The following MAT2B variants were observed in gnomAD, a reference collection of about 807,000 sequenced individuals.
MAT2B encodes the protein methionine adenosyltransferase 2 subunit beta.
In MAT2B, 16 loss-of-function variants were observed where a neutral mutation model predicts 36.1. That is an observed-to-expected ratio of 0.44 (90% CI 0.30 to 0.67). The LOEUF is 0.67. MAT2B is among the 30% of genes least tolerant of loss of function. The pLI, the probability that MAT2B is intolerant of heterozygous loss-of-function variation, is 0.09. For synonymous variants in MAT2B, 148 were observed against 136.9 expected, an observed-to-expected ratio of 1.08 and a Z score of -0.57; for missense variants, 332 against 398.2, an observed-to-expected ratio of 0.83 and a Z score of 1.42.
intron 1 of MAT2B, among the ~76,000 whole-genome samples, chr5:163,509,577 GA>G (rs1476873689): frequency 2.0e-5 from 3 of 152,150 alleles, no homozygotes; most frequent in Non-Finnish European, 2.9e-5. Flanking sequence ...CTGACCTTAG[GA>G]ACTGTTACCT....
intron 1 of MAT2B, among the ~76,000 whole-genome samples, chr5:163,511,267 T>TA (rs11394898): frequency 0.47 from 37,585 of 80,744 alleles, 6,288 homozygotes; most frequent in African/African-American, 0.6. Context: ...CTTTTTTAAT[T>TA]AAAAAAATTT....
chr5:163,515,794 T>TTTTTTTTTA, intron 4 of MAT2B, among the ~76,000 whole-genome samples: 1 of 137,150 alleles, frequency 7.3e-6, no homozygotes, highest in Non-Finnish European at 1.6e-5. Flanking sequence ...TTTTTTTTTT[T>TTTTTTTTTA]TTGAGACAGG....
chr5:163,517,536 G>T, intron 5 of MAT2B, 25 bp from the exon 6 acceptor site: 1 of 1,396,074 alleles, frequency 7.2e-7, no homozygotes, highest in African/African-American at 1.4e-5. Context: ...TGAAACTATT[G>T]AATTTATTGT....
upstream of MAT2B, chr5:163,503,487 A>G (rs1759880780): frequency 6.9e-7 from 1 of 1,443,894 alleles, no homozygotes; most frequent in Non-Finnish European, 9.7e-7. Context: ...AAAGCATTCC[A>G]GTGAACGCCT....
In MAT2B at chr5:163,514,042, A is replaced by G. The variant is rs775198962; in HGVS notation, c.526+48A>G. ...CCTGATTGTTTTTGAAGACTTTAAAAATCATTTATACATACACATATATAT... is the reference window on the plus strand; with the variant it reads ...CCTGATTGTTTTTGAAGACTTTAAAGATCATTTATACATACACATATATAT... On this transcript the variant is annotated intron_variant, in intron 4 of 6. Coordinates refer to ENST00000321757, the MANE Select transcript of MAT2B (RefSeq NM_013283.5). The G allele has an allele frequency of 6.0e-6, 9 of 1,498,924 alleles. No homozygotes were observed. In the South Asian group the frequency reaches 1.2e-4, roughly 19 times the overall value. The allele number at this position is 1,498,924 out of a possible 1,614,324, so 92.9% of individuals were successfully genotyped here.
upstream of MAT2B, among the ~76,000 whole-genome samples, chr5:163,504,273 G>GTCC (rs993209595): frequency 6.6e-6 from 1 of 151,478 alleles, no homozygotes; most frequent in African/African-American, 2.4e-5. Context: ...CGCTGGGGCA[G>GTCC]TCCTCAAGGA....
In MAT2B at chr5:163,512,107, G is replaced by A; in HGVS notation, c.169G>A (p.Gly57Ser). ...TCAGCAGAATAATTGGCATGCAGTT[G>A]GCTGTGGTTTCAGAAGAGCAAGACC... ...EFQQNNWHAV[G>S]CGFRRARPKF... The change falls in exon 2 of 7, where the codon GGC becomes AGC. Residue 57 changes from glycine to serine, a missense_variant. Transcript: ENST00000321757. The A allele has an allele frequency of 6.2e-7, 1 of 1,614,140 alleles. No individual in the cohort carries two copies. The highest frequency in any genetic ancestry group is 8.5e-7 in the Non-Finnish European group (1 of 1,179,994).
At chr5:163,513,736 T>G in intron 3 of MAT2B, 67 bp downstream of exon 3, 1 of 1,514,604 alleles carries the variant, frequency 6.6e-7, no homozygotes. Context: ...AAATTAAGGT[T>G]TTGTAGATGG....
In MAT2B at chr5:163,519,051, CTAAG is replaced by C. The variant is rs1561659243; in HGVS notation, c.*690_*693del. 1 of 152,184 alleles carries C rather than the reference CTAAG, an allele frequency of 6.6e-6. No individual in the cohort carries two copies. Among genetic ancestry groups the C allele is most frequent in the Admixed American group, 6.6e-5 (1 of 15,258 alleles). 9.4% of individuals were successfully genotyped at this position (152,184 alleles called of 1,614,324 possible). ...CTGTCCTTTTCATCCCATGTTGCCG[CTAAG>C]TGATATTTCATATGTGTGGTTATAC... On this transcript the variant is annotated 3_prime_UTR_variant, in exon 7 of 7. Transcript: ENST00000321757.
At position 163,516,696 on chromosome 5, in the gene MAT2B, A is replaced by G. The variant is rs1435297733; in HGVS notation, c.705A>G (p.Ala235=). 5 of 1,614,194 alleles carry G rather than the reference A, an allele frequency of 3.1e-6. No individual in the cohort carries two copies. Among genetic ancestry groups the G allele is most frequent in the African/African-American group, 1.3e-5 (1 of 75,026 alleles). ...TGGCCACTGTGTGCCGGCAGCTAGC[A>G]GAGAAGAGAATGCTGGTAAGAAGGA... is the stretch of plus-strand genomic sequence containing the variant. ...KDVATVCRQL[A]EKRMLDPSIK... The change falls in exon 5 of 7, where the codon GCA becomes GCG. Residue 235 remains alanine (A), a synonymous_variant. Coordinates refer to ENST00000321757, the MANE Select transcript of MAT2B (RefSeq NM_013283.5).
chr5:163,506,406 T>G (rs1759938654), intron 1 of MAT2B, among the ~76,000 whole-genome samples: 1 of 152,242 alleles, frequency 6.6e-6, no homozygotes, highest in East Asian at 1.9e-4. Flanking sequence ...GAAGGAAGAT[T>G]ATGGTGATGA....
At position 163,512,173 on chromosome 5, in the gene MAT2B, C is replaced by G; in HGVS notation, c.235C>G (p.His79Asp). ...QVNLLDSNAV[H>D]HIIHDFQPHV... ...TAATCTGTTGGATTCTAATGCAGTT[C>G]ATCACATCATTCATGATTTTCAGGT... The change falls in exon 2 of 7, where the codon CAT (histidine) becomes GAT (aspartate). Residue 79 changes from histidine to aspartate, a missense_variant. His to Asp is a moderately conservative substitution (Grantham distance 81). Transcript: ENST00000321757. 5.6e-6 allele frequency: 9 copies of G among 1,613,876 alleles called. No individual in the cohort carries two copies. The highest frequency in any genetic ancestry group is 1.1e-5 in the South Asian group (1 of 91,068).
intron 1 of MAT2B, 74 bp from the exon 2 acceptor site, chr5:163,511,928 A>G: frequency 3.7e-6 from 4 of 1,092,264 alleles, no homozygotes; most frequent in Non-Finnish European, 5.3e-6. Context: ...TTAGGGAACA[A>G]CGATGGTGCC....
chr5:163,512,973 G>A (rs1405268002), intron 2 of MAT2B: 12 of 216,554 alleles, frequency 5.5e-5, no homozygotes, highest in African/African-American at 1.7e-4. Context: ...GAGCCACCGC[G>A]CCCAGCCTAG....
chr5:163,509,159 GA>G (rs1435172412), intron 1 of MAT2B, among the ~76,000 whole-genome samples: 1 of 151,948 alleles, frequency 6.6e-6, no homozygotes, highest in Non-Finnish European at 1.5e-5. Flanking sequence ...CGATTCATAA[GA>G]TTTTTTTTAA....
chr5:163,514,072 T>G, intron 4 of MAT2B, 78 bp downstream of exon 4: 1 of 1,172,760 alleles, frequency 8.5e-7, no homozygotes, highest in Non-Finnish European at 1.1e-6. Context: ...ATATATGTTT[T>G]AAATTTAAAA....
Position 163,505,641 on chromosome 5 carries a change from T to G in MAT2B, c.-46T>G. ...GCTGAGGCCCGCGTCGATCCTGGGT[T>G]GGAGGAGGTGGCGGCCGCTGAGGCT... On this transcript the variant is annotated 5_prime_UTR_variant, in exon 1 of 7. Transcript: ENST00000321757. The G allele has an allele frequency of 1.6e-6, 2 of 1,257,520 alleles. No individual in the cohort carries two copies. The highest frequency in any genetic ancestry group is 2.0e-6 in the Non-Finnish European group (2 of 993,220). The allele number at this position is 1,257,520 out of a possible 1,614,324, so 77.9% of individuals were successfully genotyped here.
chr5:163,508,584 TATAACAC>T (rs1759984706), intron 1 of MAT2B, among the ~76,000 whole-genome samples: 1 of 152,172 alleles, frequency 6.6e-6, no homozygotes, highest in African/African-American at 2.4e-5. Flanking sequence ...TGTATACTTA[TATAACAC>T]GTTAGTTTTC....
intron 1 of MAT2B, among the ~76,000 whole-genome samples, chr5:163,509,007 C>T (rs1245436506): frequency 6.6e-6 from 1 of 152,048 alleles, no homozygotes; most frequent in South Asian, 2.1e-4. Flanking sequence ...TCCTTTTTTA[C>T]GTTAAGGTAT....
Sources: gnomAD v4.1 joint callset for allele counts (sites outside exome capture counted in the v4.1 genomes callset) on GRCh38, gnomAD v4.1.1 for gene constraint, MANE v1.5 for transcripts, NCBI Gene and HGNC (gene_info 2026-07-23, HGNC 2026-07-21) for gene names.